Variants in TRIM5 observed in about 807,000 individuals in gnomAD.
The protein encoded by TRIM5 is tripartite motif containing 5, also known as tripartite motif-containing protein 5.
Under a neutral mutation model 35.6 loss-of-function variants are expected in TRIM5, and 31 were observed. The ratio of observed to expected loss-of-function variants is 0.87; its 90% CI spans 0.65 to 1.18. The LOEUF (loss-of-function observed/expected upper bound fraction) is 1.18, where lower values mean the gene tolerates loss of function less well. Ranked by LOEUF, TRIM5 falls within the 50% of genes most tolerant of loss-of-function variation. The pLI, the probability that TRIM5 is intolerant of heterozygous loss-of-function variation, is 0.00. For missense variants in TRIM5, 609 were observed against 591.6 expected (o/e 1.03, Z -0.31); for synonymous variants, 243 against 215.6 (o/e 1.13, Z -1.11).
At chr11:5,666,342 A>C in intron 5 of TRIM5, 1 of 518,152 alleles carries the variant, frequency 1.9e-6, no homozygotes, top group Non-Finnish European at 3.5e-6. Flanking sequence ...GAAATAATTA[A>C]CCTCTCCCTG....
At chr11:5,667,662 G>A (rs1331349350) in intron 5 of TRIM5, 27 bp downstream of exon 5, 2 of 1,611,966 alleles carry the variant, frequency 1.2e-6, no homozygotes, top group Non-Finnish European at 1.7e-6. Context: ...CTGCACAAAA[G>A]GACCATCTCT....
chr11:5,624,897 G>A, the TRIM5 span: 1 of 152,186 alleles, frequency 6.6e-6, no homozygotes, highest in African/African-American at 2.4e-5. Context: ...TTCTCTTCCT[G>A]ACAGCCCCAA....
chr11:5,644,471 T>C, the TRIM5 span: 4 of 386,038 alleles, frequency 1.0e-5, no homozygotes, highest in Non-Finnish European at 1.8e-5. Context: ...TTTACTGAAG[T>C]CTCATTTTTC....
chr11:5,605,253 C>A, the TRIM5 span: 1 of 1,593,002 alleles, frequency 6.3e-7, no homozygotes. Context: ...GGAAAGCAGT[C>A]CTGAGCCCAA....
the TRIM5 span, chr11:5,632,823 T>C: frequency 2.5e-5 from 3 of 121,402 alleles, no homozygotes; most frequent in Non-Finnish European, 2.8e-5. Context: ...CTTTTCATCC[T>C]TTTTTTTTTT....
At chr11:5,605,576 T>G in the TRIM5 span, 1 of 1,609,508 alleles carries the variant, frequency 6.2e-7, no homozygotes, top group Non-Finnish European at 8.5e-7. Flanking sequence ...AGGTAAGGCT[T>G]GTGAAGGAGC....
At chr11:5,633,409 G>A in the TRIM5 span, among the ~76,000 whole-genome samples, 1 of 151,958 alleles carries the variant, frequency 6.6e-6, no homozygotes. Flanking sequence ...AGAAATTTTT[G>A]TCTTGTTTTT....
At chr11:5,596,959 C>G in the TRIM5 span, 2 of 1,613,950 alleles carry the variant, frequency 1.2e-6, no homozygotes, top group South Asian at 1.1e-5. Flanking sequence ...TCACTTCTGG[C>G]AGAGGTGACA....
chr11:5,658,948 A>G (rs969797547), downstream of TRIM5, among the ~76,000 whole-genome samples: 3 of 152,178 alleles, frequency 2.0e-5, no homozygotes, highest in Non-Finnish European at 4.4e-5. Flanking sequence ...TGGGAATTGA[A>G]CAATGAGAAC....
At position 5,680,151 on chromosome 11, in the gene TRIM5, T is replaced by C; in HGVS notation, c.27A>G (p.Val9=). The change falls in exon 2 of 8, where the codon GTA becomes GTG. Residue 9 remains valine, a synonymous_variant. Transcript: ENST00000380034. MASGILVN[V]KEEVTCPICL... is the part of the protein sequence containing the mutation. ...AGATGGGGCAGGTCACCTCCTCCTT[T>C]ACATTAACCAGGATTCCAGAAGCCA... 1 of 1,611,522 alleles carries C rather than the reference T, an allele frequency of 6.2e-7. No homozygotes were observed. Among genetic ancestry groups the C allele is most frequent in the Admixed American group, 1.7e-5 (1 of 59,872 alleles).
At position 5,683,816 on chromosome 11, in the gene TRIM5, T is replaced by A. The variant is rs371823031; in HGVS notation, c.-62+1052A>T. ...CTGTAAAATGGACCAATCAGGAGGATGTGGGTGGGGCCAGATAAGAGAATA... is the reference window on the plus strand; with the variant it reads ...CTGTAAAATGGACCAATCAGGAGGAAGTGGGTGGGGCCAGATAAGAGAATA... On this transcript the variant is annotated intron_variant, in intron 1 of 7. Coordinates refer to ENST00000380034, the MANE Select transcript of TRIM5 (RefSeq NM_033034.3). Among the ~76,000 whole-genome samples the A allele has an allele frequency of 1.1e-3, 175 of 152,314 alleles. 1 individual carries two copies. The highest frequency in any genetic ancestry group is 3.9e-3 in the African/African-American group (164 of 41,570).
chr11:5,648,096 C>A, the TRIM5 span, among the ~76,000 whole-genome samples: 3 of 152,182 alleles, frequency 2.0e-5, no homozygotes, highest in Non-Finnish European at 4.4e-5. Context: ...CCGGGCAATT[C>A]TAATGGCTAC....
In TRIM5 at chr11:5,663,400, G is replaced by A; in HGVS notation, c.*1409C>T. ...ATTATATATAGAAGGCAGAATTGAA[G>A]TCATTTTGACAGTAGTATCTGAGAT... is the stretch of plus-strand genomic sequence containing the variant. On this transcript the variant is annotated 3_prime_UTR_variant, in exon 8 of 8. Transcript: ENST00000380034. 2.0e-6 allele frequency: 2 copies of A among 981,124 alleles called. No individual in the cohort carries two copies. The highest frequency in any genetic ancestry group is 2.4e-6 in the Non-Finnish European group (2 of 826,076). The allele number at this position is 981,124 out of a possible 1,614,324, so 60.8% of individuals were successfully genotyped here. A position where few individuals can be genotyped will look rare whatever the true frequency, so the allele number is the denominator to read the frequency against.
rs141805034 is a variant in TRIM5, at chr11:5,679,822, C to T, written c.356G>A (p.Arg119Gln). Residue 119 changes from arginine (R) to glutamine (Q), a missense_variant, in exon 2 of 8, where the codon CGG (arginine) becomes CAG (glutamine). Coordinates refer to ENST00000380034, the MANE Select transcript of TRIM5 (RefSeq NM_033034.3). Reference sequence around the variant, plus strand: ...GTGGTGACCACGGTGCTCCTGAGACCGCTCACAAAGCCAGCAAATGACCTT... The same window carrying T: ...GTGGTGACCACGGTGCTCCTGAGACTGCTCACAAAGCCAGCAAATGACCTT... The part of the protein sequence containing the change: ...DGKVICWLCE[R>Q]SQEHRGHHTF... 697 of 1,612,740 alleles carry T rather than the reference C, an allele frequency of 4.3e-4. No homozygotes were observed. Among genetic ancestry groups the T allele is most frequent in the Admixed American group, 3.4e-3 (201 of 59,908 alleles).
the TRIM5 span, chr11:5,632,176 G>T: frequency 6.7e-7 from 1 of 1,502,842 alleles, no homozygotes; most frequent in Non-Finnish European, 8.9e-7. Context: ...TTGCAGTCTC[G>T]GCCAGTCTTT....
the TRIM5 span, chr11:5,605,700 C>T: frequency 9.0e-7 from 1 of 1,108,092 alleles, no homozygotes; most frequent in Non-Finnish European, 1.3e-6. Context: ...TAGTGCCTAT[C>T]CCCTATTAAA....
the TRIM5 span, among the ~76,000 whole-genome samples, chr11:5,623,155 G>C: frequency 6.8e-5 from 9 of 131,934 alleles, no homozygotes; most frequent in Non-Finnish European, 1.4e-4. Flanking sequence ...TTTTGGAATA[G>C]AATGGGAGCC....
At chr11:5,632,421 T>C in the TRIM5 span, 1 of 1,613,960 alleles carries the variant, frequency 6.2e-7, no homozygotes, top group African/African-American at 1.3e-5. Flanking sequence ...GTCTAGACTG[T>C]GGCCACAGCC....
intron 4 of TRIM5, among the ~76,000 whole-genome samples, chr11:5,672,043 A>G (rs1226407624): frequency 1.3e-5 from 2 of 152,184 alleles, no homozygotes; most frequent in Non-Finnish European, 1.5e-5. Context: ...CATCTGAAAT[A>G]ATAGATGAGA....
Sources: gnomAD v4.1 joint callset for allele counts (sites outside exome capture counted in the v4.1 genomes callset) on GRCh38, gnomAD v4.1.1 for gene constraint, MANE v1.5 for transcripts, NCBI Gene and HGNC (gene_info 2026-07-23, HGNC 2026-07-21) for gene names.